Variants in PTPRM observed in about 807,000 individuals in gnomAD.
The protein encoded by PTPRM is protein tyrosine phosphatase receptor type M, also known as receptor-type tyrosine-protein phosphatase mu.
Under a neutral mutation model 186.7 loss-of-function variants are expected in PTPRM, and 47 were observed. The observed-to-expected ratio is 0.25, with a 90% CI of 0.20 to 0.32. The LOEUF (loss-of-function observed/expected upper bound fraction) is 0.32. Ranked by LOEUF, PTPRM falls within the 10% of genes least tolerant of loss-of-function variation. The pLI, the probability that PTPRM is intolerant of heterozygous loss-of-function variation, is 1.00. For synonymous variants in PTPRM, 668 were observed against 674.9 expected, an observed-to-expected ratio of 0.99 and a Z score of 0.16; for missense variants, 1,494 against 1,865.0, an observed-to-expected ratio of 0.80 and a Z score of 3.66.
intron 7 of PTPRM, among the ~76,000 whole-genome samples, chr18:8,028,889 A>G (rs1460136553): frequency 1.3e-5 from 2 of 152,176 alleles, no homozygotes; most frequent in African/African-American, 4.8e-5. Flanking sequence ...TGGCAATAAC[A>G]TCTCAAATGC....
chr18:7,774,013 T>C, intron 1 of PTPRM, 136 bp from the exon 2 acceptor site: 1 of 819,150 alleles, frequency 1.2e-6, no homozygotes, highest in East Asian at 2.7e-5. Flanking sequence ...GATGCACAGC[T>C]CCTGAGTGGA....
At chr18:7,760,309 T>C (rs973311073) in intron 1 of PTPRM, among the ~76,000 whole-genome samples, 1 of 152,228 alleles carries the variant, frequency 6.6e-6, no homozygotes, top group African/African-American at 2.4e-5. Context: ...AATAATAGCA[T>C]GTGCAATCTT....
chr18:8,281,551 G>A (rs1412423287), intron 19 of PTPRM, among the ~76,000 whole-genome samples: 1 of 152,116 alleles, frequency 6.6e-6, no homozygotes, highest in Non-Finnish European at 1.5e-5. Flanking sequence ...GTGCTTGACT[G>A]CACCATAAAC....
intron 19 of PTPRM, among the ~76,000 whole-genome samples, chr18:8,279,617 A>G (rs1167018554): frequency 1.3e-5 from 2 of 152,162 alleles, no homozygotes; most frequent in Non-Finnish European, 2.9e-5. Context: ...CGTGAGACAG[A>G]ACGTCTCCCT....
intron 13 of PTPRM, among the ~76,000 whole-genome samples, chr18:8,138,061 C>T (rs1163030546): frequency 6.6e-6 from 1 of 152,190 alleles, no homozygotes; most frequent in Non-Finnish European, 1.5e-5. Context: ...CACATATGAA[C>T]AGGACAGTGC....
intron 23 of PTPRM, among the ~76,000 whole-genome samples, chr18:8,349,148 A>C (rs999367838): frequency 1.3e-5 from 2 of 152,234 alleles, no homozygotes; most frequent in Admixed American, 6.5e-5. Context: ...TGCCCCTCTC[A>C]CAGCCAAGAA....
At chr18:7,981,865 A>G (rs2082571976) in intron 7 of PTPRM, among the ~76,000 whole-genome samples, 1 of 152,206 alleles carries the variant, frequency 6.6e-6, no homozygotes, top group Non-Finnish European at 1.5e-5. Context: ...TGTGTAGCTA[A>G]ACATTGAAAC....
intron 2 of PTPRM, among the ~76,000 whole-genome samples, chr18:7,818,985 A>G (rs1406042201): frequency 6.6e-6 from 1 of 152,216 alleles, no homozygotes; most frequent in Non-Finnish European, 1.5e-5. Context: ...AGGCTTGAGG[A>G]AGCTTCCTGG....
intron 1 of PTPRM, among the ~76,000 whole-genome samples, chr18:7,707,548 G>T (rs957452560): frequency 6.6e-6 from 1 of 152,014 alleles, no homozygotes; most frequent in African/African-American, 2.4e-5. Flanking sequence ...TTGAGGTGGG[G>T]GGATTGCTTG....
At chr18:7,926,772 G>A (rs954689034) in intron 5 of PTPRM, 89 bp downstream of exon 5, 2 of 852,924 alleles carry the variant, frequency 2.3e-6, no homozygotes, top group Middle Eastern at 2.7e-4. Flanking sequence ...ACAGACTCAG[G>A]TCCTAGTGTA....
chr18:8,120,496 T>C (rs117501783), intron 13 of PTPRM, among the ~76,000 whole-genome samples: 5,988 of 148,774 alleles, frequency 0.04, 164 homozygotes, highest in Non-Finnish European at 0.065. Flanking sequence ...TTCTTTCTTT[T>C]TTTTTTTTTT....
At chr18:8,399,974 G>A (rs1159361869) in intron 32 of PTPRM, 1 of 152,356 alleles carries the variant, frequency 6.6e-6, no homozygotes, top group Non-Finnish European at 1.5e-5. Context: ...TCGCTGGGTT[G>A]ATTTGTTACT....
At chr18:8,247,662 T>C (rs1200682265) in intron 15 of PTPRM, among the ~76,000 whole-genome samples, 183 bp from the exon 16 acceptor site, 1 of 152,190 alleles carries the variant, frequency 6.6e-6, no homozygotes, top group Admixed American at 6.5e-5. Flanking sequence ...AGGTTGCTTG[T>C]CTTCTAAAGG....
chr18:8,181,276 C>T (rs73941041), intron 14 of PTPRM, among the ~76,000 whole-genome samples: 11,297 of 152,162 alleles, frequency 0.074, 469 homozygotes, highest in Middle Eastern at 0.22. Context: ...AAGTGTACCC[C>T]GTCTTTTTTA....
chr18:8,083,036 CT>C (rs2145222163), intron 9 of PTPRM, among the ~76,000 whole-genome samples: 1 of 152,118 alleles, frequency 6.6e-6, no homozygotes, highest in Non-Finnish European at 1.5e-5. Context: ...CTTTTCATCT[CT>C]TGCTGTCTGT....
intron 13 of PTPRM, among the ~76,000 whole-genome samples, chr18:8,127,125 C>T (rs1481931370): frequency 2.3e-4 from 35 of 151,938 alleles, no homozygotes; most frequent in Admixed American, 2.2e-3. Context: ...AAAAGTAAAA[C>T]TATAAGAAAT....
intron 19 of PTPRM, among the ~76,000 whole-genome samples, chr18:8,259,267 T>G (rs577903911): frequency 1.3e-5 from 2 of 152,286 alleles, no homozygotes; most frequent in African/African-American, 4.8e-5. Context: ...TTTTCTTATA[T>G]TATGCCTCTC....
chr18:8,087,189 G>A (rs924016272), intron 10 of PTPRM, among the ~76,000 whole-genome samples: 6 of 152,202 alleles, frequency 3.9e-5, no homozygotes, highest in Admixed American at 1.3e-4. Flanking sequence ...TGAAATAAGT[G>A]CCAATATATA....
intron 2 of PTPRM, among the ~76,000 whole-genome samples, chr18:7,782,059 A>C (rs889058736): frequency 2.5e-4 from 38 of 152,298 alleles, no homozygotes; most frequent in African/African-American, 8.9e-4. Flanking sequence ...ATTGGACTGG[A>C]GTTGTAGTCT....
Sources: allele counts gnomAD v4.1 joint callset (sites outside exome capture counted in the v4.1 genomes callset), GRCh38; gene constraint gnomAD v4.1.1; transcripts MANE v1.5; gene names NCBI Gene and HGNC (gene_info 2026-07-23, HGNC 2026-07-21).